The following DGKI variants were observed in gnomAD, a reference collection of about 807,000 sequenced individuals.
The protein encoded by DGKI is diacylglycerol kinase iota.
Under a neutral mutation model 147.5 loss-of-function variants are expected in DGKI, and 55 were observed. The ratio of observed to expected loss-of-function variants is 0.37; its 90% confidence interval spans 0.30 to 0.47. The LOEUF (loss-of-function observed/expected upper bound fraction) is 0.47, where lower values mean the gene tolerates loss of function less well. Ranked by LOEUF, DGKI falls within the 20% of genes least tolerant of loss-of-function variation. The pLI is 1.00. For synonymous variants in DGKI, 469 were observed against 477.1 expected (o/e 0.98, Z 0.22); for missense variants, 1,007 against 1,323.8 (o/e 0.76, Z 3.71).
At chr7:137,531,740 T>C (rs1817344338) in intron 20 of DGKI, among the ~76,000 whole-genome samples, 1 of 152,222 alleles carries the variant, frequency 6.6e-6, no homozygotes, top group Non-Finnish European at 1.5e-5. Flanking sequence ...TTGCAACCGA[T>C]AAATTCACTT....
intron 1 of DGKI, among the ~76,000 whole-genome samples, chr7:137,805,382 T>C (rs1797334467): frequency 1.3e-5 from 2 of 152,172 alleles, no homozygotes; most frequent in African/African-American, 4.8e-5. Context: ...TCCCTTACGC[T>C]GTCTGCAGGG....
rs117687365 is a variant in DGKI at position 137,744,978 on chromosome 7, G to C, written c.402-54976C>G. ...TTGGAAGCATTCCCCCTAATAACTGGAACAAGATAAGGGTACTATGTTCAC... is the reference window on the plus strand; with the variant it reads ...TTGGAAGCATTCCCCCTAATAACTGCAACAAGATAAGGGTACTATGTTCAC... On this transcript the variant is annotated intron_variant, in intron 1 of 32. Transcript: ENST00000614521. Among the ~76,000 whole-genome samples the C allele has an allele frequency of 8.4e-4, 128 of 152,208 alleles. 1 individual carries two copies. Among genetic ancestry groups the C allele is most frequent in the Non-Finnish European group, 1.6e-3 (107 of 68,018 alleles).
At chr7:137,755,938 C>A (rs1346713044) in intron 1 of DGKI, among the ~76,000 whole-genome samples, 2 of 152,172 alleles carry the variant, frequency 1.3e-5, no homozygotes. Flanking sequence ...TAATGGGTAA[C>A]CAAGCATGTC....
Position 137,571,199 on chromosome 7 carries a change from G to T in DGKI, c.1923C>A (p.Val641=). ...CCAAAGAGGCCATGGTAAATCCAAT[G>T]ACTTCAATATAACCATCATCATGAC... ...PQRHDDGYIE[V]IGFTMASLAA... is the part of the protein sequence containing the mutation. Residue 641 remains valine, a synonymous_variant, in exon 19 of 33, where the codon GTC becomes GTA. Coordinates refer to ENST00000614521, the MANE Select transcript of DGKI (RefSeq NM_001321708.2). 1.2e-6 allele frequency: 2 copies of T among 1,610,136 alleles called. No individual in the cohort carries two copies. The highest frequency in any genetic ancestry group is 1.1e-5 in the South Asian group (1 of 89,534).
intron 5 of DGKI, among the ~76,000 whole-genome samples, chr7:137,653,385 A>G (rs988584680): frequency 6.6e-6 from 1 of 152,144 alleles, no homozygotes; most frequent in Non-Finnish European, 1.5e-5. Flanking sequence ...AGCCTGAACA[A>G]TATTTGGCTT....
intron 20 of DGKI, among the ~76,000 whole-genome samples, chr7:137,539,785 A>C (rs1269902202): frequency 6.6e-6 from 1 of 152,088 alleles, no homozygotes; most frequent in Non-Finnish European, 1.5e-5. Context: ...ATTGAAAAAC[A>C]ACCAAGAAAG....
intron 5 of DGKI, among the ~76,000 whole-genome samples, chr7:137,651,707 A>C (rs1349685916): frequency 6.6e-6 from 1 of 152,128 alleles, no homozygotes; most frequent in African/African-American, 2.4e-5. Context: ...CTAAGCTCGG[A>C]GGGATTTGCA....
At chr7:137,681,417 A>G (rs1333498932) in intron 2 of DGKI, among the ~76,000 whole-genome samples, 1 of 152,218 alleles carries the variant, frequency 6.6e-6, no homozygotes, top group Non-Finnish European at 1.5e-5. Flanking sequence ...AAAAAGTAGA[A>G]AGGCACTTCT....
chr7:137,493,609 A>T (rs1033934937), intron 21 of DGKI, among the ~76,000 whole-genome samples: 3 of 152,128 alleles, frequency 2.0e-5, no homozygotes, highest in Non-Finnish European at 4.4e-5. Context: ...GACCAAACCC[A>T]CCTTATACCA....
At chr7:137,405,239 ATTG>A (rs984357710) in intron 30 of DGKI, among the ~76,000 whole-genome samples, 16 of 123,944 alleles carry the variant, frequency 1.3e-4, no homozygotes, top group African/African-American at 3.9e-4. Context: ...AACCTTCATT[ATTG>A]TTATCATTTT....
intron 28 of DGKI, among the ~76,000 whole-genome samples, chr7:137,413,620 T>C (rs1812248704): frequency 6.6e-6 from 1 of 152,230 alleles, no homozygotes; most frequent in East Asian, 1.9e-4. Context: ...GATTTCATTC[T>C]TTTTTATGAC....
intron 1 of DGKI, among the ~76,000 whole-genome samples, chr7:137,819,463 A>T (rs1797833102): frequency 6.6e-6 from 1 of 151,996 alleles, no homozygotes; most frequent in Non-Finnish European, 1.5e-5. Flanking sequence ...GGCGCCCGCC[A>T]CCACGCCCAG....
In DGKI at chr7:137,789,869, T is replaced by C. The variant is rs572047976; in HGVS notation, c.401+56593A>G. Among the ~76,000 whole-genome samples, 236 of 152,334 alleles carry C rather than the reference T, an allele frequency of 1.5e-3. 2 individuals are homozygous for C. Among genetic ancestry groups the C allele is most frequent in the African/African-American group, 5.4e-3 (226 of 41,574 alleles). On this transcript the variant is annotated intron_variant, in intron 1 of 32. Coordinates refer to ENST00000614521, the MANE Select transcript of DGKI (RefSeq NM_001321708.2). ...AACAAGGGGCACTTGGAAAATATTA[T>C]CTGTAGTAGATCCTCATAGTACTAT...
chr7:137,748,808 T>C (rs1795418473), intron 1 of DGKI, among the ~76,000 whole-genome samples: 1 of 152,166 alleles, frequency 6.6e-6, no homozygotes, highest in South Asian at 2.1e-4. Context: ...TTAGTCAGAA[T>C]TGAGAACTTA....
At chr7:137,639,065 T>C (rs1382762703) in intron 6 of DGKI, among the ~76,000 whole-genome samples, 1 of 152,212 alleles carries the variant, frequency 6.6e-6, no homozygotes, top group Non-Finnish European at 1.5e-5. Context: ...ATTTCAAAAA[T>C]GTTTAGATTT....
At chr7:137,709,760 A>C (rs988827427) in intron 1 of DGKI, among the ~76,000 whole-genome samples, 2 of 152,154 alleles carry the variant, frequency 1.3e-5, no homozygotes, top group South Asian at 4.1e-4. Context: ...TAAGCCAGCA[A>C]AAACTCCAGA....
At chr7:137,716,839 G>A (rs1336626421) in intron 1 of DGKI, among the ~76,000 whole-genome samples, 1 of 152,100 alleles carries the variant, frequency 6.6e-6, no homozygotes, top group Admixed American at 6.5e-5. Context: ...CTCTCCTTCT[G>A]TGAAAAACAA....
At chr7:137,845,166 G>A (rs759847735) in intron 1 of DGKI, among the ~76,000 whole-genome samples, 1 of 152,240 alleles carries the variant, frequency 6.6e-6, no homozygotes, top group Non-Finnish European at 1.5e-5. Flanking sequence ...GAGGAACGCA[G>A]AAGCAACAAC....
At position 137,619,817 on chromosome 7, in the gene DGKI, C is replaced by A. The variant is rs182702071; in HGVS notation, c.993+7G>T. The A allele has an allele frequency of 6.6e-4, 1,062 of 1,607,210 alleles. 6 individuals carry two copies. The African/African-American group carries it at 9.7e-3, about 15-fold the overall frequency. ...TGGCCCAGCAGCACCAGAGTCCTGG[C>A]AGTTACCTGAGGTTTCTTCACCTTA... On this transcript the variant is annotated splice_region_variant and intron_variant, in intron 8 of 32. Transcript: ENST00000614521.
Sources: allele counts gnomAD v4.1 joint callset (sites outside exome capture counted in the v4.1 genomes callset), GRCh38; gene constraint gnomAD v4.1.1; transcripts MANE v1.5; gene names NCBI Gene and HGNC (gene_info 2026-07-23, HGNC 2026-07-21).